The following MTRR variants were observed in gnomAD, a reference collection of about 807,000 sequenced individuals.
The protein encoded by MTRR is 5-methyltetrahydrofolate-homocysteine methyltransferase reductase, also known as methionine synthase reductase.
MTRR carries 63 observed loss-of-function variants against 79.2 expected under a neutral mutation model. The ratio of observed to expected loss-of-function variants is 0.80; its 90% confidence interval spans 0.65 to 0.98. The LOEUF is 0.98. MTRR is among the 50% of genes least tolerant of loss of function. The pLI is 0.00. For synonymous variants in MTRR, 355 were observed against 313.3 expected, an observed-to-expected ratio of 1.13 and a Z score of -1.41; for missense variants, 895 against 839.6, an observed-to-expected ratio of 1.07 and a Z score of -0.82.
chr5:7,879,058 G>T (rs1194924904), intron 5 of MTRR, among the ~76,000 whole-genome samples: 1 of 152,072 alleles, frequency 6.6e-6, no homozygotes, highest in African/African-American at 2.4e-5. Flanking sequence ...GTAAACACCT[G>T]GTATGATAGC....
At chr5:7,861,611 A>C (rs760854820) in intron 1 of MTRR, 20 of 1,605,750 alleles carry the variant, frequency 1.2e-5, no homozygotes, top group East Asian at 6.7e-5. Flanking sequence ...TTAGCTGTGG[A>C]TGGCAATACA....
At position 7,895,791 on chromosome 5, in the gene MTRR, C is replaced by A. The variant is rs772440734; in HGVS notation, c.1615C>A (p.Pro539Thr). The A allele has an allele frequency of 6.2e-7, 1 of 1,614,074 alleles. No individual in the cohort carries two copies. Among genetic ancestry groups the A allele is most frequent in the Non-Finnish European group, 8.5e-7 (1 of 1,179,972 alleles). The change falls in exon 12 of 15, where the codon CCC (proline) becomes ACC (threonine). Residue 539 changes from proline to threonine, a missense_variant. Coordinates refer to ENST00000440940, the MANE Select transcript of MTRR (RefSeq NM_002454.3). ...CCACTTACCAGATGACCCCTCAATCCCCATCATAATGGTGGGTCCAGGAAC... is the reference window on the plus strand; with the variant it reads ...CCACTTACCAGATGACCCCTCAATCACCATCATAATGGTGGGTCCAGGAAC... ...SFHLPDDPSI[P>T]IIMVGPGTGI... is the part of the protein sequence containing the mutation.
intron 1 of MTRR, among the ~76,000 whole-genome samples, chr5:7,853,789 A>G (rs781357382): frequency 2.5e-4 from 38 of 152,176 alleles, no homozygotes; most frequent in Non-Finnish European, 4.6e-4. Flanking sequence ...CCACTGCCCC[A>G]GGGCCTCACA....
chr5:7,863,084 T>G, intron 2 of MTRR: 1 of 1,126,352 alleles, frequency 8.9e-7, no homozygotes, highest in Non-Finnish European at 1.3e-6. Flanking sequence ...TAGAAAAGTT[T>G]GATATAACAT....
At chr5:7,871,147 A>G (rs1747918535) in intron 2 of MTRR, among the ~76,000 whole-genome samples, 1 of 100,946 alleles carries the variant, frequency 9.9e-6, no homozygotes, top group South Asian at 2.4e-4. Flanking sequence ...ACAAGTAACA[A>G]CTCCTTAACT....
chr5:7,879,087 T>C (rs1012246317), intron 5 of MTRR, among the ~76,000 whole-genome samples: 1 of 152,238 alleles, frequency 6.6e-6, no homozygotes, highest in Non-Finnish European at 1.5e-5. Context: ...TTAGCATCTT[T>C]TATAATGTCT....
intron 5 of MTRR, among the ~76,000 whole-genome samples, chr5:7,882,068 G>T (rs551731194): frequency 1.1e-4 from 17 of 152,208 alleles, no homozygotes; most frequent in Non-Finnish European, 2.2e-4. Context: ...CAAACAATGA[G>T]ATGTTTTTAG....
At chr5:7,851,839 C>G (rs1746088183) in intron 1 of MTRR, among the ~76,000 whole-genome samples, 1 of 152,064 alleles carries the variant, frequency 6.6e-6, no homozygotes, top group Non-Finnish European at 1.5e-5. Context: ...AAGCTGTATA[C>G]TCGTGATTGG....
intron 8 of MTRR, among the ~76,000 whole-genome samples, chr5:7,888,681 A>G (rs1331451697): frequency 2.0e-5 from 3 of 152,236 alleles, no homozygotes; most frequent in Non-Finnish European, 2.9e-5. Context: ...TTAAAGTAGC[A>G]GTACCCATTA....
chr5:7,869,269 A>C, intron 1 of MTRR, 54 bp downstream of exon 1: 2 of 1,588,134 alleles, frequency 1.3e-6, no homozygotes, highest in Non-Finnish European at 1.7e-6. Flanking sequence ...CCCTGCACTA[A>C]TCTCCTGGGA....
chr5:7,853,748 C>T (rs1462724664), intron 1 of MTRR, among the ~76,000 whole-genome samples: 1 of 152,220 alleles, frequency 6.6e-6, no homozygotes, highest in African/African-American at 2.4e-5. Flanking sequence ...GAGGCTCGCT[C>T]CTTCAGTTGT....
At chr5:7,885,236 G>T (rs776927674) in intron 6 of MTRR, 3 of 184,570 alleles carry the variant, frequency 1.6e-5, no homozygotes, top group Non-Finnish European at 3.4e-5. Context: ...ACCCTTTCCT[G>T]TCCCCTAAAG....
chr5:7,885,635 C>G, intron 6 of MTRR, 66 bp from the exon 7 acceptor site: 2 of 1,460,038 alleles, frequency 1.4e-6, no homozygotes, highest in South Asian at 2.4e-5. Flanking sequence ...ATTTTTGTTA[C>G]CCTACAGCTT....
upstream of MTRR, chr5:7,851,143 C>T (rs1022140000): frequency 1.9e-5 from 22 of 1,178,812 alleles, no homozygotes; most frequent in Non-Finnish European, 2.2e-5. Flanking sequence ...TGTGTTCGGT[C>T]GTTGCCTGGA....
upstream of MTRR, chr5:7,868,889 G>A (rs1273064710): frequency 5.2e-6 from 3 of 576,548 alleles, no homozygotes; most frequent in South Asian, 1.9e-5. Flanking sequence ...GCTGAGACAC[G>A]GGCCGGGCGG....
chr5:7,896,734 A>G lies in MTRR; in HGVS notation c.1677-130A>G, dbSNP rs1738583438. ...TGGAGAGTAAAATGCTAATTAAATG[A>G]CTGAATGTTCAAATGCAGAGATGGA... On this transcript the variant is annotated intron_variant, in intron 12 of 14. Transcript: ENST00000440940. The G allele has an allele frequency of 6.5e-6, 5 of 772,120 alleles. No homozygotes were observed. The East Asian group carries it at 1.3e-4, about 21-fold the overall frequency. 47.8% of individuals were successfully genotyped at this position (772,120 alleles called of 1,614,324 possible).
At chr5:7,866,551 A>C, upstream of MTRR, 1 of 930,846 alleles carries the variant, frequency 1.1e-6, no homozygotes, top group Non-Finnish European at 1.6e-6. Context: ...TGGAAGAAAA[A>C]CTAAAGGCAA....
At chr5:7,870,715 C>G (rs909104222) in intron 1 of MTRR, 55 bp from the exon 2 acceptor site, 16 of 1,568,378 alleles carry the variant, frequency 1.0e-5, no homozygotes, top group Non-Finnish European at 1.1e-5. Flanking sequence ...GAATTAATAT[C>G]TTTAGGTTGT....
At position 7,887,772 on chromosome 5, in the gene MTRR, ATATT is replaced by A. The variant is rs1449056865; in HGVS notation, c.1146+1071_1146+1074del. ...TGTGTATATATGTGTGTGTATGTAT[ATATT>A]TGTGTGTGTGTGTGTGCATATATAT... is the stretch of plus-strand genomic sequence containing the variant. On this transcript the variant is annotated intron_variant, in intron 8 of 14. Transcript: ENST00000440940. Among the ~76,000 whole-genome samples, 9 of 123,708 alleles carry A rather than the reference ATATT, an allele frequency of 7.3e-5. No individual in the cohort carries two copies. The East Asian group carries it at 1.2e-3, about 16-fold the overall frequency. 81.2% of individuals were successfully genotyped at this position (123,708 alleles called of 152,430 possible).
Sources: gnomAD v4.1 joint callset for allele counts (sites outside exome capture counted in the v4.1 genomes callset) on GRCh38, gnomAD v4.1.1 for gene constraint, MANE v1.5 for transcripts, NCBI Gene and HGNC (gene_info 2026-07-23, HGNC 2026-07-21) for gene names.